RBM41: variants seen among roughly 807,000 people sequenced by gnomAD.
RBM41 encodes the protein RNA-binding protein 41.
RBM41 carries 14 observed loss-of-function variants against 30.8 expected under a neutral mutation model. The observed-to-expected ratio is 0.45, with a 90% CI of 0.30 to 0.71. The LOEUF (loss-of-function observed/expected upper bound fraction) is 0.71, where lower values mean the gene tolerates loss of function less well. Ranked by LOEUF, RBM41 falls within the 30% of genes least tolerant of loss-of-function variation. The pLI is 0.08. For synonymous variants in RBM41, 120 were observed against 110.1 expected (o/e 1.09, Z -0.56); for missense variants, 276 against 326.3 (o/e 0.85, Z 1.19).
chrX:107,068,732 C>G (rs1935934008), intron 7 of RBM41, among the ~76,000 whole-genome samples: 1 of 111,766 alleles, frequency 8.9e-6, no homozygotes, highest in South Asian at 3.7e-4. Flanking sequence ...AACATATTAT[C>G]TGGTCTGTCA....
At position 107,063,417 on chromosome X, in the gene RBM41, G is replaced by A. The variant is rs1292090421; in HGVS notation, c.*4110C>T. 1.8e-5 allele frequency among the ~76,000 whole-genome samples: 2 copies of A among 112,259 alleles called. No homozygotes were observed. The highest frequency in any genetic ancestry group is 6.5e-5 in the African/African-American group (2 of 30,965). Reference sequence around the variant, plus strand: ...ACTCTTCTACTTTTTGAAAAAGTTTGTGAAGAATTTGTATTAATTTTTCAT... The same window carrying A: ...ACTCTTCTACTTTTTGAAAAAGTTTATGAAGAATTTGTATTAATTTTTCAT... On this transcript the variant is annotated 3_prime_UTR_variant, in exon 8 of 8. Transcript: ENST00000685964.
intron 5 of RBM41, among the ~76,000 whole-genome samples, chrX:107,093,989 T>A (rs1027970650): frequency 3.4e-4 from 38 of 111,614 alleles, no homozygotes; most frequent in African/African-American, 1.2e-3. Flanking sequence ...GAAACCTAGA[T>A]AAATGGACAA....
rs1342451994 is a variant in RBM41, at chrX:107,064,053, G to A, written c.*3474C>T. ...TGCAAGCTCTGCCTCCCAGGTTCAC[G>A]CCATTCTCCTGCCTCAGCCTCCCGA... On this transcript the variant is annotated 3_prime_UTR_variant, in exon 8 of 8. Coordinates refer to ENST00000685964, the MANE Select transcript of RBM41 (RefSeq NM_001324242.2). 3.8e-5 allele frequency among the ~76,000 whole-genome samples: 4 copies of A among 105,491 alleles called. No individual in the cohort carries two copies. The highest frequency in any genetic ancestry group is 5.8e-5 in the Non-Finnish European group (3 of 51,649). The allele number at this position is 105,491 out of a possible 115,157, so 91.6% of individuals were successfully genotyped here.
intron 6 of RBM41, among the ~76,000 whole-genome samples, chrX:107,072,634 G>GA (rs200649887): frequency 2.7e-5 from 3 of 110,203 alleles, no homozygotes; most frequent in Non-Finnish European, 5.7e-5. Flanking sequence ...CATAGAAAAA[G>GA]AAAAAAAATC....
At chrX:107,093,570 T>C (rs1922732230) in intron 5 of RBM41, among the ~76,000 whole-genome samples, 1 of 111,903 alleles carries the variant, frequency 8.9e-6, no homozygotes, top group African/African-American at 3.2e-5. Context: ...TCAAAATTTA[T>C]GGATGCAGCT....
At position 107,067,666 on chromosome X, in the gene RBM41, T is replaced by G. The variant is rs143393406; in HGVS notation, c.1175A>C (p.His392Pro). ...ATGTAGTTTGTATCCATTTACTAGA[T>G]GCAATGCTTGCCATGCTATCTCCTT... ...PNKEIAWQAL[H>P]LVNGYKLHGK... The change falls in exon 8 of 8, where the codon CAT (histidine) becomes CCT (proline). Residue 392 changes from histidine to proline, a missense_variant. By Grantham distance (77) the His-to-Pro change is moderately conservative (BLOSUM62 -2). Coordinates refer to ENST00000685964, the MANE Select transcript of RBM41 (RefSeq NM_001324242.2). The G allele has an allele frequency of 8.3e-7, 1 of 1,208,395 alleles. No individual in the cohort carries two copies. Among genetic ancestry groups the G allele is most frequent in the South Asian group, 1.8e-5 (1 of 56,145 alleles).
intron 5 of RBM41, among the ~76,000 whole-genome samples, chrX:107,098,846 C>T (rs1303406194): frequency 9.1e-6 from 1 of 110,340 alleles, no homozygotes; most frequent in Admixed American, 9.7e-5. Context: ...ACTAAAAATA[C>T]AAAAATTAGC....
chrX:107,117,143 G>A (rs1030775679), intron 1 of RBM41, among the ~76,000 whole-genome samples: 5 of 111,959 alleles, frequency 4.5e-5, no homozygotes, highest in Admixed American at 2.8e-4. Context: ...GAGAAAATTG[G>A]GAGATAAAGG....
intron 5 of RBM41, among the ~76,000 whole-genome samples, chrX:107,101,553 G>C (rs1429769665): frequency 9.0e-6 from 1 of 111,617 alleles, no homozygotes; most frequent in Admixed American, 9.5e-5. Flanking sequence ...TGATGGCAGA[G>C]GCAGAGATTA....
chrX:107,060,287 AAT>A (rs1569318991), downstream of RBM41, among the ~76,000 whole-genome samples: 1 of 110,529 alleles, frequency 9.0e-6, no homozygotes, highest in Non-Finnish European at 1.9e-5. Flanking sequence ...CTGCTGTCTG[AAT>A]GTGCCTTCTC....
rs763533543 is a variant in RBM41, at chrX:107,116,765, C to T, written c.10G>A (p.Val4Ile). 7 of 1,204,412 alleles carry T rather than the reference C, an allele frequency of 5.8e-6. No homozygotes were observed. In the South Asian group the frequency reaches 8.9e-5, roughly 15 times the overall value. MKR[V>I]NSCVKSDEHV... is the part of the protein sequence containing the mutation. ...TCATCACTCTTCACACAGCTGTTTA[C>T]CCTGGAGTAGACATAAGAATATATA... The change falls in exon 2 of 8, where the codon GTA becomes ATA. Residue 4 changes from valine (V) to isoleucine (I), a missense_variant and splice_region_variant. Val to Ile is a conservative substitution (Grantham distance 29). Coordinates refer to ENST00000685964, the MANE Select transcript of RBM41 (RefSeq NM_001324242.2).
At chrX:107,089,968 A>G (rs1339853920) in intron 5 of RBM41, among the ~76,000 whole-genome samples, 1 of 112,432 alleles carries the variant, frequency 8.9e-6, no homozygotes, top group East Asian at 2.8e-4. Flanking sequence ...TGAACTTACC[A>G]TCATCAACTA....
chrX:107,053,584 G>C, the RBM41 span, among the ~76,000 whole-genome samples: 1 of 112,315 alleles, frequency 8.9e-6, no homozygotes, highest in African/African-American at 3.2e-5. Flanking sequence ...CCAACAGTTA[G>C]TAGGGTTTTG....
At position 107,089,877 on chromosome X, in the gene RBM41, C is replaced by T. The variant is rs1375631095; in HGVS notation, c.596-1038G>A. 1.3e-4 allele frequency among the ~76,000 whole-genome samples: 14 copies of T among 111,529 alleles called. No individual in the cohort carries two copies. In the Admixed American group the frequency reaches 1.3e-3, roughly 11 times the overall value. ...TTTTACATCCACTGATGACCACTGC[C>T]TAGTCTATTAATTTATTAAGAGTTG... On this transcript the variant is annotated intron_variant, in intron 5 of 7. Coordinates refer to ENST00000685964, the MANE Select transcript of RBM41 (RefSeq NM_001324242.2).
chrX:107,065,632 A>G lies in RBM41; in HGVS notation c.*1895T>C. ...CTGAGAGAAGAGTAAGTATATGTTT[A>G]TAGTTTTTTTATATTAAACTTATTT... is the stretch of plus-strand genomic sequence containing the variant. On this transcript the variant is annotated 3_prime_UTR_variant, in exon 8 of 8. Transcript: ENST00000685964. 1.6e-6 allele frequency: 1 copy of G among 638,372 alleles called. No homozygotes were observed. Among genetic ancestry groups the G allele is most frequent in the Admixed American group, 4.8e-5 (1 of 21,036 alleles). The allele number at this position is 638,372 out of a possible 1,213,427, so 52.6% of individuals were successfully genotyped here.
At chrX:107,098,070 C>T (rs1334881177) in intron 5 of RBM41, among the ~76,000 whole-genome samples, 2 of 111,358 alleles carry the variant, frequency 1.8e-5, no homozygotes, top group Non-Finnish European at 1.9e-5. Context: ...CTCAATAAAG[C>T]AGTTTAAAAA....
In RBM41 at chrX:107,064,137, G is replaced by A. The variant is rs1181715287; in HGVS notation, c.*3390C>T. ...TGGCTAATTTTTTGTATTTTTAGTA[G>A]AGACAGGGTTTCACCATGTTACCCA... is the stretch of plus-strand genomic sequence containing the variant. On this transcript the variant is annotated 3_prime_UTR_variant, in exon 8 of 8. Coordinates refer to ENST00000685964, the MANE Select transcript of RBM41 (RefSeq NM_001324242.2). 3.7e-5 allele frequency among the ~76,000 whole-genome samples: 4 copies of A among 108,769 alleles called. No individual in the cohort carries two copies. Among genetic ancestry groups the A allele is most frequent in the African/African-American group, 1.3e-4 (4 of 29,917 alleles). 94.5% of individuals were successfully genotyped at this position (108,769 alleles called of 115,157 possible).
chrX:107,085,687 G>A (rs1180752988), intron 6 of RBM41, among the ~76,000 whole-genome samples: 3 of 111,886 alleles, frequency 2.7e-5, no homozygotes, highest in East Asian at 5.6e-4. Flanking sequence ...GATTTCTTAA[G>A]TCTATAGGCC....
At chrX:107,096,319 A>G (rs1922960028) in intron 5 of RBM41, among the ~76,000 whole-genome samples, 1 of 112,240 alleles carries the variant, frequency 8.9e-6, no homozygotes, top group Non-Finnish European at 1.9e-5. Context: ...GAGTGATTTT[A>G]AAAAAGAGAA....
Sources: gnomAD v4.1 joint callset for allele counts (sites outside exome capture counted in the v4.1 genomes callset) on GRCh38, gnomAD v4.1.1 for gene constraint, MANE v1.5 for transcripts, NCBI Gene and HGNC (gene_info 2026-07-23, HGNC 2026-07-21) for gene names.